PALM: variants seen among roughly 807,000 people sequenced by gnomAD.
The protein encoded by PALM is paralemmin-1.
A neutral mutation model predicts 30.7 loss-of-function variants in PALM; 18 were observed. That is an observed-to-expected ratio of 0.59 (90% CI 0.41 to 0.87). PALM has a LOEUF of 0.87. Ranked by LOEUF, PALM falls within the 40% of genes least tolerant of loss-of-function variation. PALM has a pLI of 0.00. For missense variants in PALM, 529 were observed against 555.4 expected (o/e 0.95, Z 0.48); for synonymous variants, 286 against 242.8 (o/e 1.18, Z -1.66).
intron 6 of PALM, chr19:735,071 C>G (rs1183582336): frequency 1.0e-6 from 1 of 987,444 alleles, no homozygotes; most frequent in Non-Finnish European, 1.2e-6. Context: ...AACTGTGAGG[C>G]TGCCTGTGGG....
intron 1 of PALM, among the ~76,000 whole-genome samples, chr19:723,128 TG>T: frequency 8.1e-6 from 1 of 123,306 alleles, no homozygotes; most frequent in Non-Finnish European, 1.7e-5. Context: ...TCTGCTGAAC[TG>T]GGGGAGGGGA....
At chr19:719,485 G>T (rs1400631268) in intron 1 of PALM, 1 of 985,236 alleles carries the variant, frequency 1.0e-6, no homozygotes, top group Non-Finnish European at 1.2e-6. Flanking sequence ...TCGGGCGGGG[G>T]GCGTGGCGCT....
chr19:723,412 G>A (rs1390875099), intron 1 of PALM, among the ~76,000 whole-genome samples: 3 of 151,986 alleles, frequency 2.0e-5, no homozygotes, highest in South Asian at 2.1e-4. Flanking sequence ...GGCCCTGCCC[G>A]TCAGCCTGGG....
At chr19:719,651 C>G in intron 1 of PALM, 1 of 985,200 alleles carries the variant, frequency 1.0e-6, no homozygotes, top group Non-Finnish European at 1.2e-6. Context: ...GCTCCTCCGC[C>G]CAGCATGTAA....
At chr19:728,253 G>A (rs549479818) in intron 4 of PALM, among the ~76,000 whole-genome samples, 251 of 152,310 alleles carry the variant, frequency 1.6e-3, no homozygotes, top group African/African-American at 5.7e-3. Context: ...AGTTTCCGGC[G>A]GGCGGGAGGC....
chr19:721,536 G>T (rs776009830), intron 1 of PALM, among the ~76,000 whole-genome samples: 1 of 152,044 alleles, frequency 6.6e-6, no homozygotes, highest in Non-Finnish European at 1.5e-5. Flanking sequence ...GAAGTGCTAG[G>T]ATTACAGGCA....
At position 742,994 on chromosome 19, in the gene PALM, G is replaced by A. The variant is rs565800599; in HGVS notation, c.634+2511G>A. Among the ~76,000 whole-genome samples the A allele has an allele frequency of 1.4e-3, 212 of 152,222 alleles. No individual in the cohort carries two copies. Among genetic ancestry groups the A allele is most frequent in the African/African-American group, 4.8e-3 (201 of 41,538 alleles). On this transcript the variant is annotated intron_variant, in intron 8 of 8. Transcript: ENST00000338448. This position sits in a 1 kb window ranked among gnomAD's most constrained non-coding sequence, Gnocchi z 5.5. ...TGCTGTTTTCCACGGAGGCTGCACC[G>A]TCCCGTTCCCACAGGTCGTGGATGA... is the stretch of plus-strand genomic sequence containing the variant.
At chr19:718,803 G>A (rs1599138858) in intron 1 of PALM, among the ~76,000 whole-genome samples, 1 of 152,156 alleles carries the variant, frequency 6.6e-6, no homozygotes, top group South Asian at 2.1e-4. Flanking sequence ...AGGGAAAGGG[G>A]AAGCTGGGAG....
At chr19:721,853 C>T (rs2032493266) in intron 1 of PALM, among the ~76,000 whole-genome samples, 2 of 151,202 alleles carry the variant, frequency 1.3e-5, no homozygotes, top group Admixed American at 1.3e-4. Context: ...CCGCCTTGGC[C>T]TCCCAAAGTG....
At chr19:740,522 C>T in intron 8 of PALM, 39 bp downstream of exon 8, 1 of 1,528,696 alleles carries the variant, frequency 6.5e-7, no homozygotes, top group Non-Finnish European at 8.8e-7. Flanking sequence ...TCCACCTGGG[C>T]CAGAGCCCCG....
At chr19:721,213 G>A (rs1439153091) in intron 1 of PALM, among the ~76,000 whole-genome samples, 1 of 152,138 alleles carries the variant, frequency 6.6e-6, no homozygotes, top group East Asian at 1.9e-4. Context: ...AGGGCTGATG[G>A]GAGCCAGGGA....
chr19:734,910 G>A (rs1213245437), intron 6 of PALM: 1 of 226,536 alleles, frequency 4.4e-6, no homozygotes, highest in African/African-American at 2.3e-5. Flanking sequence ...GCTGGCGTCT[G>A]AAGTGCTTCT....
chr19:737,889 G>T (rs561981715), intron 7 of PALM, among the ~76,000 whole-genome samples: 7 of 152,164 alleles, frequency 4.6e-5, no homozygotes, highest in Admixed American at 4.6e-4. Context: ...GGAACCATGG[G>T]GGGCTGCAGG....
At chr19:712,825 G>GCA (rs2032127912) in intron 1 of PALM, among the ~76,000 whole-genome samples, 2 of 151,994 alleles carry the variant, frequency 1.3e-5, no homozygotes, top group African/African-American at 2.4e-5. Context: ...ACAGGTGCCT[G>GCA]CCACCACGCC....
chr19:727,575 G>T lies in PALM; in HGVS notation c.150G>T (p.Leu50=). The T allele has an allele frequency of 1.3e-6, 2 of 1,588,722 alleles. No individual in the cohort carries two copies. Among genetic ancestry groups the T allele is most frequent in the Non-Finnish European group, 1.7e-6 (2 of 1,168,420 alleles). Residue 50 remains leucine (L), a synonymous_variant, in exon 4 of 9, where the codon CTG becomes CTT. Coordinates refer to ENST00000338448, the MANE Select transcript of PALM (RefSeq NM_002579.3). Reference sequence around the variant, plus strand: ...TCCCTGCTGCTCAGTCCAAGGCACTGCGGGAGCGCTGGCTGCTGGAGGGGA... The same window carrying T: ...TCCCTGCTGCTCAGTCCAAGGCACTTCGGGAGCGCTGGCTGCTGGAGGGGA... ...RQLQHLKSKA[L]RERWLLEGTP...
rs565028632 is a variant in PALM, at chr19:709,911, TG to T, written c.5+770del. On this transcript the variant is annotated intron_variant, in intron 1 of 8. Transcript: ENST00000338448. This position sits in a 1 kb window ranked among gnomAD's most constrained non-coding sequence, Gnocchi z 4.3. ...CCCCGCATGGCTGCGCCTGTGTGTG[TG>T]GGGGGGGGGTGGCCAGTGGAGGCAC... is the stretch of plus-strand genomic sequence containing the variant. 0.014 allele frequency among the ~76,000 whole-genome samples: 2,061 copies of T among 147,470 alleles called. 28 individuals carry two copies. Among genetic ancestry groups the T allele is most frequent in the African/African-American group, 0.029 (1,183 of 40,318 alleles).
rs768003601 is a variant in PALM at position 731,076 on chromosome 19, A to C, written c.270-19A>C. The C allele has an allele frequency of 6.5e-7, 1 of 1,537,196 alleles. No homozygotes were observed. The highest frequency in any genetic ancestry group is 1.4e-5 in the African/African-American group (1 of 72,204). ...CCGGGGATGCAGGAGTCACCCTCACAGGCACACCCTCTCCCCAGGTTGGAG... is the reference window on the plus strand; with the variant it reads ...CCGGGGATGCAGGAGTCACCCTCACCGGCACACCCTCTCCCCAGGTTGGAG... On this transcript the variant is annotated intron_variant, in intron 4 of 8. Coordinates refer to ENST00000338448, the MANE Select transcript of PALM (RefSeq NM_002579.3).
At position 714,063 on chromosome 19, in the gene PALM, C is replaced by G. The variant is rs1447145351; in HGVS notation, c.5+4912C>G. On this transcript the variant is annotated intron_variant, in intron 1 of 8. Coordinates refer to ENST00000338448, the MANE Select transcript of PALM (RefSeq NM_002579.3). The stretch of plus-strand genomic sequence containing the variant: ...GGGACTACAGGTACCCGCCACCACA[C>G]CCAGCTAATTTTTTTGTATTTTCAG... 2.6e-5 allele frequency among the ~76,000 whole-genome samples: 4 copies of G among 151,836 alleles called. No individual in the cohort carries two copies. The East Asian group carries it at 7.8e-4, about 30-fold the overall frequency.
chr19:735,052 T>C (rs1158610841), intron 6 of PALM: 3 of 986,376 alleles, frequency 3.0e-6, no homozygotes, highest in Non-Finnish European at 3.6e-6. Flanking sequence ...GGGCTGAGGA[T>C]GAGGAATGAA....
Sources: gnomAD v4.1 joint callset for allele counts (sites outside exome capture counted in the v4.1 genomes callset) on GRCh38, gnomAD v4.1.1 for gene constraint, Gnocchi (gnomAD v3.1) non-coding constraint, MANE v1.5 for transcripts, NCBI Gene and HGNC (gene_info 2026-07-23, HGNC 2026-07-21) for gene names.